Variants in PTPRD observed in about 807,000 individuals in gnomAD.
The protein encoded by PTPRD is receptor-type tyrosine-protein phosphatase delta.
A neutral mutation model predicts 214.5 loss-of-function variants in PTPRD; 34 were observed. The observed-to-expected ratio is 0.16, with a 90% confidence interval of 0.12 to 0.21. The LOEUF (loss-of-function observed/expected upper bound fraction) is 0.21. PTPRD is among the 10% of genes least tolerant of loss of function. The probability of loss-of-function intolerance (pLI) is 1.00; values close to 1 mark genes in which losing one functional copy is unlikely to be tolerated. For synonymous variants in PTPRD, 1,128 were observed against 845.7 expected (o/e 1.33, Z -5.79); for missense variants, 2,545 against 2,398.7 (o/e 1.06, Z -1.27).
At chr9:10,487,775 A>T (rs141964012) in intron 2 of PTPRD, among the ~76,000 whole-genome samples, 9 of 151,970 alleles carry the variant, frequency 5.9e-5, no homozygotes, top group African/African-American at 1.9e-4. Context: ...GCACATGTAT[A>T]CCTATGTATG....
intron 2 of PTPRD, among the ~76,000 whole-genome samples, chr9:10,605,392 T>C (rs1292630682): frequency 6.6e-6 from 1 of 151,954 alleles, no homozygotes; most frequent in Non-Finnish European, 1.5e-5. Context: ...TATTTGTGTT[T>C]TTATATTGTG....
rs940076122 is a variant in PTPRD at position 8,341,797 on chromosome 9, A to G, written c.4843T>C (p.Cys1615Arg). Residue 1615 changes from cysteine to arginine, a missense_variant, in exon 40 of 46, where the codon TGT becomes CGT. Cys to Arg is a radical substitution (Grantham distance 180). Coordinates refer to ENST00000381196, the MANE Select transcript of PTPRD (RefSeq NM_002839.4). ...CTAGCTGGCACTTCGGTATTTCCAC[A>G]AGTCACTGCTTCTAACAGTGCATCA... ...IHDALLEAVT[C>R]GNTEVPARNL... is the part of the protein sequence containing the mutation. The G allele has an allele frequency of 6.2e-7, 1 of 1,613,614 alleles. No individual in the cohort carries two copies. Among genetic ancestry groups the G allele is most frequent in the African/African-American group, 1.3e-5 (1 of 74,976 alleles).
intron 11 of PTPRD, among the ~76,000 whole-genome samples, chr9:8,839,962 C>T (rs2097526919): frequency 6.6e-6 from 1 of 152,158 alleles, no homozygotes; most frequent in Admixed American, 6.5e-5. Flanking sequence ...ACAAAAATTA[C>T]TCGAGTTAGA....
chr9:9,336,259 G>C (rs531131308), intron 9 of PTPRD, among the ~76,000 whole-genome samples: 1 of 152,142 alleles, frequency 6.6e-6, no homozygotes, highest in East Asian at 1.9e-4. Flanking sequence ...GTTATCTCTG[G>C]AAAGAATGTA....
At chr9:9,737,825 T>A (rs1404838177) in intron 6 of PTPRD, among the ~76,000 whole-genome samples, 1 of 152,178 alleles carries the variant, frequency 6.6e-6, no homozygotes, top group Non-Finnish European at 1.5e-5. Context: ...TGTGAACATT[T>A]GTTTACAGTC....
intron 11 of PTPRD, among the ~76,000 whole-genome samples, chr9:8,818,769 T>C (rs2154525805): frequency 6.6e-6 from 1 of 152,378 alleles, no homozygotes; most frequent in Admixed American, 6.5e-5. Context: ...TTATAAAATT[T>C]CAAATAATTT....
At chr9:9,716,099 C>T (rs1200718968) in intron 7 of PTPRD, among the ~76,000 whole-genome samples, 6 of 151,020 alleles carry the variant, frequency 4.0e-5, no homozygotes, top group South Asian at 2.1e-4. Context: ...TGAGAATATG[C>T]GGTGTTTGGT....
chr9:9,392,599 G>C (rs190794261), intron 9 of PTPRD, among the ~76,000 whole-genome samples: 1 of 152,204 alleles, frequency 6.6e-6, no homozygotes, highest in East Asian at 1.9e-4. Flanking sequence ...CCTTTGCTGT[G>C]ACTCTAGGGT....
At chr9:9,390,638 C>G (rs896591008) in intron 9 of PTPRD, among the ~76,000 whole-genome samples, 1 of 152,098 alleles carries the variant, frequency 6.6e-6, no homozygotes, top group East Asian at 1.9e-4. Flanking sequence ...AACTCTTGGA[C>G]AAGTAGATCT....
At chr9:10,189,615 C>T (rs949187914) in intron 3 of PTPRD, among the ~76,000 whole-genome samples, 11 of 152,162 alleles carry the variant, frequency 7.2e-5, no homozygotes, top group Non-Finnish European at 1.5e-4. Context: ...TGTTCCACAA[C>T]ATGCAGCAGG....
chr9:8,581,881 C>A (rs987657356), intron 14 of PTPRD, among the ~76,000 whole-genome samples: 1 of 120,852 alleles, frequency 8.3e-6, no homozygotes, highest in East Asian at 2.5e-4. Flanking sequence ...TCACTGCACT[C>A]CAGCCTGGAT....
At chr9:10,488,700 C>T (rs1426111408) in intron 2 of PTPRD, among the ~76,000 whole-genome samples, 1 of 152,152 alleles carries the variant, frequency 6.6e-6, no homozygotes, top group Non-Finnish European at 1.5e-5. Context: ...CTTCCCTCCC[C>T]TTTCCAAAGG....
intron 8 of PTPRD, among the ~76,000 whole-genome samples, chr9:9,429,552 G>A (rs563943803): frequency 2.6e-5 from 4 of 152,268 alleles, no homozygotes; most frequent in African/African-American, 7.2e-5. Flanking sequence ...CTCATTTTAT[G>A]AGGCCAGCAT....
At position 9,831,681 on chromosome 9, in the gene PTPRD, T is replaced by C. The variant is rs1278964669; in HGVS notation, c.-367-64830A>G. ...ATTCCAGCATAACCTGAAGAGCTGA[T>C]TACAGGCTGAAGCATTTTATCTATA... On this transcript the variant is annotated intron_variant, in intron 5 of 45. Transcript: ENST00000381196. Among the ~76,000 whole-genome samples the C allele has an allele frequency of 2.6e-5, 4 of 151,972 alleles. No homozygotes were observed. The East Asian group carries it at 5.8e-4, about 22-fold the overall frequency.
chr9:8,819,891 C>T (rs1330288355), intron 11 of PTPRD, among the ~76,000 whole-genome samples: 1 of 152,118 alleles, frequency 6.6e-6, no homozygotes, highest in African/African-American at 2.4e-5. Flanking sequence ...GTGTCTTGTT[C>T]TCCTTGTCCA....
chr9:8,939,506 A>T (rs767723548), intron 11 of PTPRD, among the ~76,000 whole-genome samples: 22 of 152,214 alleles, frequency 1.4e-4, no homozygotes, highest in Non-Finnish European at 2.8e-4. Context: ...CTATGTAAAT[A>T]AAATGTATAG....
intron 8 of PTPRD, among the ~76,000 whole-genome samples, chr9:9,470,010 G>A (rs2094481184): frequency 4.6e-5 from 7 of 152,072 alleles, no homozygotes. Flanking sequence ...ATACTGGGGT[G>A]GATGAACTCC....
chr9:9,878,340 G>A (rs1216385593), intron 5 of PTPRD, among the ~76,000 whole-genome samples: 1 of 152,136 alleles, frequency 6.6e-6, no homozygotes, highest in Non-Finnish European at 1.5e-5. Context: ...TGTAGTGGAA[G>A]TGTGAGTGGA....
intron 11 of PTPRD, among the ~76,000 whole-genome samples, chr9:8,957,930 A>C (rs1041363720): frequency 8.1e-5 from 12 of 148,586 alleles, no homozygotes; most frequent in Non-Finnish European, 1.6e-4. Flanking sequence ...GAAAAAGAAG[A>C]CCATTCTTTA....
Sources: allele counts gnomAD v4.1 joint callset (sites outside exome capture counted in the v4.1 genomes callset), GRCh38; gene constraint gnomAD v4.1.1; transcripts MANE v1.5; gene names NCBI Gene and HGNC (gene_info 2026-07-23, HGNC 2026-07-21).